Variants in CAMK2D observed in about 807,000 individuals in gnomAD.
CAMK2D encodes calcium/calmodulin-dependent protein kinase type II subunit delta.
In CAMK2D, 37 loss-of-function variants were observed where a neutral mutation model predicts 84.0. The ratio of observed to expected loss-of-function variants is 0.44; its 90% CI spans 0.34 to 0.58. The LOEUF is 0.58. Among genes scored for constraint, CAMK2D ranks in the 20% least tolerant of loss-of-function variants. The probability of loss-of-function intolerance (pLI) is 0.02; values close to 1 mark genes in which losing one functional copy is unlikely to be tolerated. For synonymous variants in CAMK2D, 202 were observed against 212.5 expected, an observed-to-expected ratio of 0.95 and a Z score of 0.43; for missense variants, 448 against 652.5, an observed-to-expected ratio of 0.69 and a Z score of 3.41.
At chr4:113,566,329 T>C (rs1360813903) in intron 4 of CAMK2D, among the ~76,000 whole-genome samples, 2 of 152,184 alleles carry the variant, frequency 1.3e-5, no homozygotes, top group African/African-American at 4.8e-5. Context: ...AATTTACCTT[T>C]TGAAGATGAA....
chr4:113,585,620 TAC>T (rs1233326438), intron 4 of CAMK2D, among the ~76,000 whole-genome samples: 2 of 152,046 alleles, frequency 1.3e-5, no homozygotes, highest in African/African-American at 4.8e-5. Flanking sequence ...TATGCAATCT[TAC>T]AGTGTAGATT....
At chr4:113,486,149 C>G (rs536284527) in intron 16 of CAMK2D, among the ~76,000 whole-genome samples, 55 of 150,908 alleles carry the variant, frequency 3.6e-4, no homozygotes, top group Admixed American at 2.6e-4. Context: ...TTTTAAGAGA[C>G]AGAGTCTAGC....
chr4:113,656,489 C>T (rs2099201177), intron 3 of CAMK2D, among the ~76,000 whole-genome samples: 1 of 152,112 alleles, frequency 6.6e-6, no homozygotes, highest in African/African-American at 2.4e-5. Context: ...ACTAGGAAAC[C>T]ATTTTACACA....
intron 2 of CAMK2D, among the ~76,000 whole-genome samples, chr4:113,685,236 CT>C (rs1452175939): frequency 1.8e-4 from 25 of 138,360 alleles, no homozygotes; most frequent in Admixed American, 9.9e-4. Flanking sequence ...ACATTTCAGA[CT>C]TCTTTTTTTT....
chr4:113,561,564 A>G (rs2098698950), intron 4 of CAMK2D, among the ~76,000 whole-genome samples: 1 of 152,192 alleles, frequency 6.6e-6, no homozygotes, highest in Non-Finnish European at 1.5e-5. Flanking sequence ...GTGTTTTACA[A>G]TGAAAACTAG....
At chr4:113,646,300 ACT>A (rs1426038920) in intron 3 of CAMK2D, among the ~76,000 whole-genome samples, 1 of 152,160 alleles carries the variant, frequency 6.6e-6, no homozygotes, top group Non-Finnish European at 1.5e-5. Flanking sequence ...TTGAGCGCAG[ACT>A]CTACGGCAGG....
intron 3 of CAMK2D, among the ~76,000 whole-genome samples, chr4:113,651,468 A>T (rs759846249): frequency 4.6e-5 from 7 of 152,212 alleles, no homozygotes; most frequent in Non-Finnish European, 8.8e-5. Flanking sequence ...AAAAAAAGTG[A>T]CAAAAAGAAA....
At position 113,460,256 on chromosome 4, in the gene CAMK2D, T is replaced by C; in HGVS notation, c.1212-15A>G. ...CACAGATTTTTCTGTAAAAGAAAAA[T>C]AATGAAAACAACCAATTAATAGGTG... On this transcript the variant is annotated splice_polypyrimidine_tract_variant and intron_variant, in intron 17 of 20. Coordinates refer to ENST00000511664, the MANE Select transcript of CAMK2D (RefSeq NM_001321571.2). The C allele has an allele frequency of 1.4e-6, 2 of 1,416,682 alleles. No homozygotes were observed. Among genetic ancestry groups the C allele is most frequent in the Non-Finnish European group, 2.0e-6 (2 of 1,005,730 alleles). The allele number at this position is 1,416,682 out of a possible 1,614,324, so 87.8% of individuals were successfully genotyped here.
intron 17 of CAMK2D, among the ~76,000 whole-genome samples, chr4:113,464,518 T>C (rs2097432629): frequency 6.6e-6 from 1 of 152,260 alleles, no homozygotes; most frequent in Admixed American, 6.5e-5. Context: ...AGATTCAATC[T>C]CCGTTTTGCA....
intron 4 of CAMK2D, among the ~76,000 whole-genome samples, chr4:113,560,449 T>C (rs1007215887): frequency 6.6e-6 from 1 of 152,144 alleles, no homozygotes; most frequent in African/African-American, 2.4e-5. Context: ...AAATAAAAAA[T>C]TATGTTCCTG....
chr4:113,669,158 G>C (rs969557099), intron 2 of CAMK2D, among the ~76,000 whole-genome samples: 1 of 152,042 alleles, frequency 6.6e-6, no homozygotes, highest in African/African-American at 2.4e-5. Flanking sequence ...ACATTTTATA[G>C]GGCTCTTGTT....
chr4:113,638,310 CAG>C (rs1433674825), intron 3 of CAMK2D, among the ~76,000 whole-genome samples: 3 of 151,600 alleles, frequency 2.0e-5, no homozygotes, highest in Non-Finnish European at 4.4e-5. Flanking sequence ...AGGATAGAGA[CAG>C]AGAGAGAGAA....
chr4:113,589,073 C>A (rs1054279157), intron 4 of CAMK2D, among the ~76,000 whole-genome samples: 1 of 152,138 alleles, frequency 6.6e-6, no homozygotes, highest in Non-Finnish European at 1.5e-5. Context: ...ATACCTTGAG[C>A]TGCAATATGC....
chr4:113,646,598 CA>C (rs1356631252), intron 3 of CAMK2D, among the ~76,000 whole-genome samples: 1 of 152,112 alleles, frequency 6.6e-6, no homozygotes, highest in Non-Finnish European at 1.5e-5. Flanking sequence ...GAACTCCAGG[CA>C]AAGGCCCAGC....
At chr4:113,606,551 C>A (rs2098978460) in intron 4 of CAMK2D, among the ~76,000 whole-genome samples, 1 of 149,884 alleles carries the variant, frequency 6.7e-6, no homozygotes, top group Non-Finnish European at 1.5e-5. Context: ...GAAGACAGAA[C>A]AATAATAAAT....
chr4:113,576,086 T>G (rs1319353980), intron 4 of CAMK2D, among the ~76,000 whole-genome samples: 1 of 152,108 alleles, frequency 6.6e-6, no homozygotes, highest in Non-Finnish European at 1.5e-5. Flanking sequence ...CAGGCTGGAG[T>G]GCAGTGACAA....
intron 6 of CAMK2D, among the ~76,000 whole-genome samples, chr4:113,545,092 G>C (rs7674503): frequency 0.13 from 20,159 of 152,060 alleles, 2,281 homozygotes; most frequent in East Asian, 0.32. Flanking sequence ...CACTTAATAA[G>C]CTATTTTACT....
At chr4:113,531,430 G>C in intron 7 of CAMK2D, 131 bp from the exon 8 acceptor site, 1 of 651,814 alleles carries the variant, frequency 1.5e-6, no homozygotes, top group Non-Finnish European at 2.8e-6. Flanking sequence ...AAGGTTCTCA[G>C]AGCAATAAAT....
chr4:113,574,691 T>C (rs2098771859), intron 4 of CAMK2D, among the ~76,000 whole-genome samples: 3 of 152,220 alleles, frequency 2.0e-5, no homozygotes, highest in Admixed American at 2.0e-4. Context: ...AGCTCTTAGT[T>C]AGATTTTGAC....
Sources: gnomAD v4.1 joint callset for allele counts (sites outside exome capture counted in the v4.1 genomes callset) on GRCh38, gnomAD v4.1.1 for gene constraint, MANE v1.5 for transcripts, NCBI Gene and HGNC (gene_info 2026-07-23, HGNC 2026-07-21) for gene names.